The following ASIC2 variants were observed in gnomAD, a reference collection of about 807,000 sequenced individuals.
ASIC2 encodes acid sensing ion channel subunit 2, also known as acid-sensing ion channel 2.
In ASIC2, 25 loss-of-function variants were observed where a neutral mutation model predicts 57.3. That is an observed-to-expected ratio of 0.44 (90% confidence interval 0.32 to 0.61). The LOEUF is 0.61. Among genes scored for constraint, ASIC2 ranks in the 20% least tolerant of loss-of-function variants. ASIC2 has a pLI of 0.06. For synonymous variants in ASIC2, 319 were observed against 307.5 expected (o/e 1.04, Z -0.39); for missense variants, 641 against 738.1 (o/e 0.87, Z 1.52).
At chr17:33,103,028 C>T (rs958897227) in intron 2 of ASIC2, among the ~76,000 whole-genome samples, 1 of 152,164 alleles carries the variant, frequency 6.6e-6, no homozygotes, top group South Asian at 2.1e-4. Context: ...CGTGATCCGC[C>T]CGCCTTGGCC....
intron 1 of ASIC2, among the ~76,000 whole-genome samples, chr17:33,392,903 T>C (rs950855250): frequency 1.3e-5 from 2 of 152,196 alleles, no homozygotes; most frequent in Non-Finnish European, 2.9e-5. Context: ...AACCTAGTCA[T>C]CTTTGATGCA....
intron 1 of ASIC2, chr17:33,793,705 A>G (rs1237576206): frequency 6.6e-6 from 1 of 152,194 alleles, no homozygotes; most frequent in African/African-American, 2.4e-5. Flanking sequence ...CTGTTTCTCA[A>G]CCTGGTGATG....
intron 1 of ASIC2, among the ~76,000 whole-genome samples, chr17:33,413,802 C>T (rs1180175622): frequency 6.6e-6 from 1 of 152,240 alleles, no homozygotes; most frequent in African/African-American, 2.4e-5. Context: ...ATCAGGCCCA[C>T]CTGTGCCCTC....
chr17:34,023,376 C>A (rs1057376412), intron 1 of ASIC2, among the ~76,000 whole-genome samples: 6 of 112,386 alleles, frequency 5.3e-5, no homozygotes, highest in African/African-American at 7.8e-5. Flanking sequence ...CTCTCTGTCA[C>A]AAACACACAC....
intron 1 of ASIC2, among the ~76,000 whole-genome samples, chr17:33,307,795 G>T (rs768824352): frequency 6.6e-5 from 10 of 151,068 alleles, no homozygotes; most frequent in Non-Finnish European, 1.3e-4. Flanking sequence ...AATAATACCT[G>T]CCTTGCAGGG....
At chr17:33,305,086 A>G (rs965102209) in intron 1 of ASIC2, among the ~76,000 whole-genome samples, 5 of 152,176 alleles carry the variant, frequency 3.3e-5, no homozygotes, top group Non-Finnish European at 7.3e-5. Flanking sequence ...TAATAGCTTT[A>G]ATTAATTGAG....
intron 1 of ASIC2, among the ~76,000 whole-genome samples, chr17:33,213,723 C>T (rs1907368112): frequency 6.6e-6 from 1 of 152,146 alleles, no homozygotes; most frequent in Non-Finnish European, 1.5e-5. Flanking sequence ...CTTCTTTCCA[C>T]CCAGGCTGGA....
At chr17:33,395,523 C>T in intron 1 of ASIC2, among the ~76,000 whole-genome samples, 1 of 152,188 alleles carries the variant, frequency 6.6e-6, no homozygotes, top group Admixed American at 6.5e-5. Context: ...CACTGGGTCC[C>T]TCCCACAACA....
At chr17:33,706,168 A>ATGTG (rs71364613) in intron 1 of ASIC2, among the ~76,000 whole-genome samples, 1 of 146,940 alleles carries the variant, frequency 6.8e-6, no homozygotes, top group African/African-American at 2.5e-5. Context: ...CTGTAGTCAT[A>ATGTG]TGTGTGTGTG....
At chr17:33,567,916 C>T (rs1053790907) in intron 1 of ASIC2, among the ~76,000 whole-genome samples, 1 of 152,144 alleles carries the variant, frequency 6.6e-6, no homozygotes, top group Non-Finnish European at 1.5e-5. Flanking sequence ...AAAGAAGATA[C>T]TTAGTCCATT....
intron 1 of ASIC2, among the ~76,000 whole-genome samples, chr17:33,766,656 T>G (rs1487736509): frequency 1.3e-5 from 2 of 152,194 alleles, no homozygotes; most frequent in Non-Finnish European, 2.9e-5. Context: ...TTACCTATTG[T>G]TTAGCTCTCA....
In ASIC2 at chr17:33,473,247, C is replaced by T. The variant is rs138183155; in HGVS notation, c.556-361180G>A. Among the ~76,000 whole-genome samples the T allele has an allele frequency of 1.8e-4, 28 of 152,334 alleles. No homozygotes were observed. The East Asian group carries it at 2.7e-3, about 15-fold the overall frequency. On this transcript the variant is annotated intron_variant, in intron 1 of 9. Coordinates refer to the ASIC2 transcript ENST00000359872. The stretch of plus-strand genomic sequence containing the variant: ...CCATCTGTTCGGTTCCTTCTCCAGG[C>T]GAGAATGCTGGTTTCTGCAGCCTTC...
intron 1 of ASIC2, among the ~76,000 whole-genome samples, chr17:33,586,694 T>C (rs978400674): frequency 6.6e-6 from 1 of 152,220 alleles, no homozygotes; most frequent in Non-Finnish European, 1.5e-5. Context: ...AGTTCTTTCT[T>C]ATTCTTTAGG....
intron 1 of ASIC2, among the ~76,000 whole-genome samples, chr17:34,114,596 C>A (rs942512923): frequency 6.6e-6 from 1 of 152,174 alleles, no homozygotes; most frequent in Non-Finnish European, 1.5e-5. Context: ...GGGCTAAAAG[C>A]AAGTCAGGGA....
chr17:33,153,344 T>C (rs372126996), intron 1 of ASIC2, among the ~76,000 whole-genome samples: 2 of 152,196 alleles, frequency 1.3e-5, no homozygotes, highest in African/African-American at 4.8e-5. Flanking sequence ...TTTGCAGGGG[T>C]GAGAGTGCAC....
At chr17:34,102,388 T>C (rs1422483364) in intron 1 of ASIC2, among the ~76,000 whole-genome samples, 1 of 151,996 alleles carries the variant, frequency 6.6e-6, no homozygotes, top group African/African-American at 2.4e-5. Flanking sequence ...AAAAAGTGGA[T>C]GCATCATGTA....
chr17:33,864,477 C>A (rs927121157), intron 1 of ASIC2, among the ~76,000 whole-genome samples: 1 of 152,194 alleles, frequency 6.6e-6, no homozygotes, highest in Non-Finnish European at 1.5e-5. Context: ...ACCACCCAAC[C>A]AGTTCCTCTC....
intron 1 of ASIC2, among the ~76,000 whole-genome samples, chr17:33,448,820 A>G (rs983307591): frequency 6.6e-6 from 1 of 152,222 alleles, no homozygotes; most frequent in Admixed American, 6.5e-5. Context: ...TCATCCCAGT[A>G]CCTTGCATAG....
At chr17:33,067,277 G>A (rs2092047406) in intron 3 of ASIC2, among the ~76,000 whole-genome samples, 1 of 152,184 alleles carries the variant, frequency 6.6e-6, no homozygotes. Context: ...TGTACCAAGG[G>A]CCACAGACAA....
Sources: allele counts gnomAD v4.1 joint callset (sites outside exome capture counted in the v4.1 genomes callset), GRCh38; gene constraint gnomAD v4.1.1; transcripts MANE v1.5; gene names NCBI Gene and HGNC (gene_info 2026-07-23, HGNC 2026-07-21).